The following ANXA2 variants were observed in gnomAD, a reference collection of about 807,000 sequenced individuals.
ANXA2 encodes the protein annexin II.
Under a neutral mutation model 47.3 loss-of-function variants are expected in ANXA2, and 28 were observed. The ratio of observed to expected loss-of-function variants is 0.59; its 90% CI spans 0.44 to 0.81. The LOEUF (loss-of-function observed/expected upper bound fraction) is 0.81, where lower values mean the gene tolerates loss of function less well. Among genes scored for constraint, ANXA2 ranks in the 40% least tolerant of loss-of-function variants. The pLI is 0.00. For synonymous variants in ANXA2, 172 were observed against 155.5 expected (o/e 1.11, Z -0.79); for missense variants, 384 against 414.3 (o/e 0.93, Z 0.64).
intron 4 of ANXA2, among the ~76,000 whole-genome samples, chr15:60,363,738 T>C (rs886786717): frequency 6.6e-6 from 1 of 152,162 alleles, no homozygotes; most frequent in African/African-American, 2.4e-5. Context: ...GCAGACCAAA[T>C]GAACTAACAA....
chr15:60,391,845 T>C (rs1415232355), intron 1 of ANXA2, among the ~76,000 whole-genome samples: 1 of 151,780 alleles, frequency 6.6e-6, no homozygotes, highest in African/African-American at 2.4e-5. Flanking sequence ...CACCACTCTT[T>C]CCAACACTTC....
chr15:60,393,314 CGGCAGGAAGAATGATGTCACTT>C, intron 1 of ANXA2: 1 of 997,906 alleles, frequency 1.0e-6, no homozygotes, highest in Non-Finnish European at 1.2e-6. Context: ...GGAAAGAGAC[CGGCAGGAAGAATGATGTCACTT>C]GGCATGAAGC....
At chr15:60,381,013 G>A (rs1335625184) in intron 3 of ANXA2, among the ~76,000 whole-genome samples, 1 of 151,842 alleles carries the variant, frequency 6.6e-6, no homozygotes, top group Non-Finnish European at 1.5e-5. Flanking sequence ...TCTACTTCCT[G>A]TCTCTGGAAA....
chr15:60,354,089 A>T, intron 8 of ANXA2, 65 bp downstream of exon 8: 1 of 1,297,670 alleles, frequency 7.7e-7, no homozygotes, highest in Non-Finnish European at 1.1e-6. Flanking sequence ...GAGTTAAATT[A>T]CTATATAGAC....
intron 3 of ANXA2, among the ~76,000 whole-genome samples, chr15:60,370,171 C>T (rs1206319160): frequency 2.0e-5 from 3 of 152,236 alleles, no homozygotes; most frequent in Admixed American, 2.0e-4. Flanking sequence ...GATGCAGTAT[C>T]TAACATGCTG....
chr15:60,356,240 C>T (rs528563811), intron 6 of ANXA2, among the ~76,000 whole-genome samples: 1 of 152,150 alleles, frequency 6.6e-6, no homozygotes, highest in Non-Finnish European at 1.5e-5. Flanking sequence ...CAGGGATCCT[C>T]AGGCTCACCG....
Position 60,360,976 on chromosome 15 carries a change from G to C in ANXA2, c.322C>G (p.Gln108Glu). 1 of 1,613,210 alleles carries C rather than the reference G, an allele frequency of 6.2e-7. No individual in the cohort carries two copies. The highest frequency in any genetic ancestry group is 8.5e-7 in the Non-Finnish European group (1 of 1,179,172). Residue 108 changes from glutamine (Q) to glutamate (E), a missense_variant, in exon 5 of 13, where the codon CAG becomes GAG. Physicochemically the swap from Gln to Glu is conservative, Grantham distance 29. Transcript: ENST00000451270. ...GCTTTTAGCTCAGAAGCGTCATACTGAGCAGGTGTCTTCAATAGGCCCAAA... is the reference window on the plus strand; with the variant it reads ...GCTTTTAGCTCAGAAGCGTCATACTCAGCAGGTGTCTTCAATAGGCCCAAA... ...VILGLLKTPA[Q>E]YDASELKASM...
In ANXA2 at chr15:60,357,172, T is replaced by C. The variant is rs933873053; in HGVS notation, c.422A>G (p.Gln141Arg). 1.2e-6 allele frequency: 2 copies of C among 1,614,182 alleles called. No individual in the cohort carries two copies. Among genetic ancestry groups the C allele is most frequent in the Non-Finnish European group, 1.7e-6 (2 of 1,180,030 alleles). ...IICSRTNQEL[Q>R]EINRVYKEMY... The stretch of plus-strand genomic sequence containing the variant: ...TTCCTTGTAGACTCTGTTAATTTCC[T>C]GCAGCTCCTGGTTGGTTCTGGAGCA... The change falls in exon 6 of 13, where the codon CAG becomes CGG. Residue 141 changes from glutamine (Q) to arginine (R), a missense_variant. Physicochemically the swap from Gln to Arg is conservative, Grantham distance 43 (BLOSUM62 1). Coordinates refer to ENST00000451270, the MANE Select transcript of ANXA2 (RefSeq NM_004039.3).
rs145651301 is a variant in ANXA2 at position 60,354,106 on chromosome 15, G to C, written c.588+48C>G. 9.2e-6 allele frequency: 14 copies of C among 1,527,838 alleles called. No individual in the cohort carries two copies. In the African/African-American group the frequency reaches 1.2e-4, roughly 13 times the overall value. 94.6% of individuals were successfully genotyped at this position (1,527,838 alleles called of 1,614,324 possible). A position where few individuals can be genotyped will look rare whatever the true frequency, so the allele number is the denominator to read the frequency against. On this transcript the variant is annotated intron_variant, in intron 8 of 12. Transcript: ENST00000451270. ...GTTAAATTACTATATAGACTATCCA[G>C]AGACTTACCAGAAAACAAAAACTCA... is the stretch of plus-strand genomic sequence containing the variant.
chr15:60,358,263 A>C (rs570840178), intron 5 of ANXA2, among the ~76,000 whole-genome samples: 4 of 152,242 alleles, frequency 2.6e-5, no homozygotes, highest in Admixed American at 1.3e-4. Context: ...GATGTATTCA[A>C]ATTTAATATA....
intron 5 of ANXA2, among the ~76,000 whole-genome samples, chr15:60,358,493 C>T (rs535314581): frequency 2.2e-4 from 33 of 152,278 alleles, no homozygotes; most frequent in African/African-American, 7.9e-4. Context: ...ACATGAAAAG[C>T]GTGTCAGCTA....
intron 1 of ANXA2, chr15:60,390,475 G>A (rs1468731253): frequency 2.0e-6 from 1 of 509,146 alleles, no homozygotes; most frequent in Non-Finnish European, 3.9e-6. Flanking sequence ...CCCAGGGAAA[G>A]CGGCGTTATG....
intron 3 of ANXA2, among the ~76,000 whole-genome samples, chr15:60,368,516 G>T (rs1350385320): frequency 6.6e-6 from 1 of 151,680 alleles, no homozygotes; most frequent in East Asian, 1.9e-4. Flanking sequence ...TGATGGCATG[G>T]AAGTATTAAT....
intron 4 of ANXA2, among the ~76,000 whole-genome samples, chr15:60,363,634 C>T (rs1266306953): frequency 6.6e-6 from 1 of 152,182 alleles, no homozygotes; most frequent in East Asian, 1.9e-4. Context: ...CGAACACGCA[C>T]TGGTTGTTTC....
intron 3 of ANXA2, chr15:60,374,377 G>A (rs747982535): frequency 6.7e-6 from 3 of 445,548 alleles, no homozygotes; most frequent in East Asian, 1.4e-4. Context: ...CTGCTACTCC[G>A]TCAGCCTCAT....
At position 60,352,972 on chromosome 15, in the gene ANXA2, A is replaced by G. The variant is rs1400872428; in HGVS notation, c.589-496T>C. On this transcript the variant is annotated intron_variant, in intron 8 of 12. Coordinates refer to ENST00000451270, the MANE Select transcript of ANXA2 (RefSeq NM_004039.3). The surrounding 1 kb of genome is among the most constrained non-coding windows in gnomAD (Gnocchi z 4.2). The stretch of plus-strand genomic sequence containing the variant: ...GTTTCTGGAAAATTTAGGGGCTACA[A>G]GTAGCCCTAACAATGGCAGGGAGGG... 1.3e-5 allele frequency among the ~76,000 whole-genome samples: 2 copies of G among 152,170 alleles called. No individual in the cohort carries two copies. Among genetic ancestry groups the G allele is most frequent in the African/African-American group, 2.4e-5 (1 of 41,454 alleles).
chr15:60,373,157 G>A (rs1437356140), intron 3 of ANXA2, among the ~76,000 whole-genome samples: 2 of 152,094 alleles, frequency 1.3e-5, no homozygotes, highest in Non-Finnish European at 2.9e-5. Flanking sequence ...CAAAGGATAT[G>A]GTACAATAAT....
chr15:60,367,425 A>G (rs1031141354), intron 3 of ANXA2, among the ~76,000 whole-genome samples: 2 of 4,936 alleles, frequency 4.1e-4, no homozygotes, highest in Non-Finnish European at 7.6e-4. Context: ...CCCGTCCGGG[A>G]GGGAGGTGGG....
At chr15:60,360,181 G>A (rs1198993172) in intron 5 of ANXA2, among the ~76,000 whole-genome samples, 1 of 152,296 alleles carries the variant, frequency 6.6e-6, no homozygotes, top group East Asian at 1.9e-4. Flanking sequence ...TCTTGAACCC[G>A]GGAGGCAGAG....
Sources: gnomAD v4.1 joint callset for allele counts (sites outside exome capture counted in the v4.1 genomes callset) on GRCh38, gnomAD v4.1.1 for gene constraint, Gnocchi (gnomAD v3.1) non-coding constraint, MANE v1.5 for transcripts, NCBI Gene and HGNC (gene_info 2026-07-23, HGNC 2026-07-21) for gene names.